Variants in HIF1A observed in about 807,000 individuals in gnomAD.
HIF1A encodes the protein hypoxia inducible factor 1 subunit alpha.
HIF1A carries 24 observed loss-of-function variants against 92.7 expected under a neutral mutation model. The ratio of observed to expected loss-of-function variants is 0.26; its 90% CI spans 0.19 to 0.36. HIF1A has a LOEUF of 0.36. HIF1A is among the 10% of genes least tolerant of loss of function. The pLI is 1.00. For missense variants in HIF1A, 799 were observed against 998.5 expected (o/e 0.80, Z 2.69); for synonymous variants, 319 against 338.7 (o/e 0.94, Z 0.64).
chr14:61,716,987 A>G (rs1338372402), intron 1 of HIF1A: 1 of 152,200 alleles, frequency 6.6e-6, no homozygotes, highest in Non-Finnish European at 1.5e-5. Context: ...GTAGCAGAAC[A>G]TATCAGCAGA....
At chr14:61,712,676 G>T (rs2044321697) in intron 1 of HIF1A, among the ~76,000 whole-genome samples, 1 of 150,636 alleles carries the variant, frequency 6.6e-6, no homozygotes. Flanking sequence ...TGATATGCTG[G>T]TTAATTATGA....
intron 1 of HIF1A, among the ~76,000 whole-genome samples, chr14:61,709,507 G>GA (rs1222848167): frequency 6.6e-6 from 1 of 152,046 alleles, no homozygotes; most frequent in South Asian, 2.1e-4. Context: ...TACTGCATTA[G>GA]AAAATCACAT....
At chr14:61,727,703 G>C (rs1408740355) in intron 6 of HIF1A, 48 bp downstream of exon 6, 2 of 1,301,308 alleles carry the variant, frequency 1.5e-6, no homozygotes. Context: ...TTAGTCTACA[G>C]CATTACTGAA....
intron 7 of HIF1A, 127 bp from the exon 8 acceptor site, chr14:61,734,011 C>A: frequency 1.6e-6 from 1 of 627,254 alleles, no homozygotes; most frequent in Non-Finnish European, 2.6e-6. Context: ...TAAGCAGTTA[C>A]AACTGATTCC....
intron 1 of HIF1A, chr14:61,697,774 A>AT (rs1307624323): frequency 6.9e-7 from 1 of 1,441,216 alleles, no homozygotes. Flanking sequence ...TTTCTAACTA[A>AT]TTTACAGTTT....
chr14:61,707,936 G>A (rs1161950976), intron 1 of HIF1A, among the ~76,000 whole-genome samples: 3 of 152,104 alleles, frequency 2.0e-5, no homozygotes, highest in Non-Finnish European at 4.4e-5. Context: ...GTGTAAAAGT[G>A]TTCCTGTTTC....
rs2044207470 is a variant in HIF1A at position 61,704,019 on chromosome 14, G to C, written c.35+8180G>C. On this transcript the variant is annotated intron_variant, in intron 1 of 14. Transcript: ENST00000337138. ...TGTGTTAAGATCACACATTTTTCTAGATCGTTTAGCTCTACTGTGTGATCT... is the reference window on the plus strand; with the variant it reads ...TGTGTTAAGATCACACATTTTTCTACATCGTTTAGCTCTACTGTGTGATCT... Among the ~76,000 whole-genome samples the C allele has an allele frequency of 3.3e-5, 5 of 152,042 alleles. No individual in the cohort carries two copies. The South Asian group carries it at 1.0e-3, about 32-fold the overall frequency.
intron 1 of HIF1A, among the ~76,000 whole-genome samples, chr14:61,715,124 G>T (rs1208471897): frequency 6.6e-6 from 1 of 152,112 alleles, no homozygotes; most frequent in East Asian, 1.9e-4. Flanking sequence ...TGAAATAGCT[G>T]CTCTGTACAA....
At chr14:61,742,758 C>T (rs1457987622) in intron 12 of HIF1A, among the ~76,000 whole-genome samples, 1 of 151,760 alleles carries the variant, frequency 6.6e-6, no homozygotes, top group African/African-American at 2.4e-5. Flanking sequence ...GTGGCACGTG[C>T]CTGTAATCCC....
At chr14:61,724,805 A>C (rs183695023) in intron 4 of HIF1A, among the ~76,000 whole-genome samples, 5 of 152,106 alleles carry the variant, frequency 3.3e-5, no homozygotes, top group Admixed American at 3.3e-4. Context: ...CCCTCTCATT[A>C]CAGTCACCTA....
At chr14:61,720,905 T>C (rs1034581046) in intron 2 of HIF1A, among the ~76,000 whole-genome samples, 9 of 152,148 alleles carry the variant, frequency 5.9e-5, no homozygotes, top group African/African-American at 1.9e-4. Flanking sequence ...GCTTTTCCCC[T>C]CCCCCCTTTT....
At chr14:61,746,855 T>C in intron 14 of HIF1A, 79 bp from the exon 15 acceptor site, 7 of 1,157,712 alleles carry the variant, frequency 6.0e-6, no homozygotes, top group Non-Finnish European at 8.5e-6. Flanking sequence ...TTTTCTATGA[T>C]ACCTAACACA....
intron 1 of HIF1A, among the ~76,000 whole-genome samples, chr14:61,703,493 A>C (rs2044200825): frequency 6.6e-6 from 1 of 152,096 alleles, no homozygotes; most frequent in Non-Finnish European, 1.5e-5. Flanking sequence ...TTTTGTCTTG[A>C]TATTACTTGG....
At chr14:61,721,844 G>A (rs2044434197) in intron 4 of HIF1A, 21 bp downstream of exon 4, 1 of 1,538,018 alleles carries the variant, frequency 6.5e-7, no homozygotes, top group Non-Finnish European at 9.0e-7. Context: ...TCTGTTGTTT[G>A]ATTTAATGTG....
At chr14:61,704,592 T>C (rs571335518) in intron 1 of HIF1A, among the ~76,000 whole-genome samples, 3 of 152,318 alleles carry the variant, frequency 2.0e-5, no homozygotes, top group South Asian at 2.1e-4. Context: ...GTAGCTAACA[T>C]AGTTAAAATA....
In HIF1A at chr14:61,742,907, A is replaced by AAAAAAAAAAAG. The variant is rs71117851; in HGVS notation, c.2093+1719_2093+1720insAAAAAAAAAAG. Among the ~76,000 whole-genome samples the AAAAAAAAAAAG allele has an allele frequency of 1.2e-4, 13 of 105,940 alleles. 6 individuals are homozygous for AAAAAAAAAAAG. Among genetic ancestry groups the AAAAAAAAAAAG allele is most frequent in the Non-Finnish European group, 1.3e-4 (7 of 55,618 alleles). The allele number at this position is 105,940 out of a possible 152,430, so 69.5% of individuals were successfully genotyped here. The stretch of plus-strand genomic sequence containing the variant: ...TTTCAAAAAAAAAAAAAAAAAAAAA[A>AAAAAAAAAAAG]GTTGTTGGACTGACAGATGCATGAA... On this transcript the variant is annotated intron_variant, in intron 12 of 14. Coordinates refer to ENST00000337138, the MANE Select transcript of HIF1A (RefSeq NM_001530.4).
Position 61,740,819 on chromosome 14 carries a change from G to C in HIF1A, c.1724G>C (p.Arg575Pro). 6.2e-7 allele frequency: 1 copy of C among 1,614,044 alleles called. No homozygotes were observed. Among genetic ancestry groups the C allele is most frequent in the Non-Finnish European group, 8.5e-7 (1 of 1,179,972 alleles). Residue 575 changes from arginine (R) to proline (P), a missense_variant, in exon 12 of 15, where the codon CGT becomes CCT. By Grantham distance (103) the Arg-to-Pro change is moderately radical (BLOSUM62 -2). Around this residue, in one of 2 missense-constraint regions of HIF1A, gnomAD observed 516 missense variants for 721.0 expected, o/e 0.72. Coordinates refer to ENST00000337138, the MANE Select transcript of HIF1A (RefSeq NM_001530.4). ...YIPMDDDFQL[R>P]SFDQLSPLES... ...CCAATGGATGATGACTTCCAGTTAC[G>C]TTCCTTCGATCAGTTGTCACCATTA...
chr14:61,724,123 TTTTTG>T (rs1284040273), intron 4 of HIF1A, among the ~76,000 whole-genome samples: 1 of 151,578 alleles, frequency 6.6e-6, no homozygotes, highest in Non-Finnish European at 1.5e-5. Context: ...GTTTGTTTGT[TTTTTG>T]TTTTTTTTTT....
intron 1 of HIF1A, among the ~76,000 whole-genome samples, chr14:61,696,296 C>G (rs1034516067): frequency 6.6e-6 from 1 of 152,250 alleles, no homozygotes; most frequent in Non-Finnish European, 1.5e-5. Flanking sequence ...ATTGAAAACT[C>G]GGCCCTGGGG....
Sources: gnomAD v4.1 joint callset for allele counts (sites outside exome capture counted in the v4.1 genomes callset) on GRCh38, gnomAD v4.1.1 for gene constraint, gnomAD v4.1.1 regional missense constraint, MANE v1.5 for transcripts, NCBI Gene and HGNC (gene_info 2026-07-23, HGNC 2026-07-21) for gene names.